USP9X: variants seen among roughly 807,000 people sequenced by gnomAD.
USP9X encodes ubiquitin carboxyl-terminal hydrolase 9X.
Under a neutral mutation model 190.3 loss-of-function variants are expected in USP9X, and 7 were observed. That is an observed-to-expected ratio of 0.04 (90% confidence interval 0.02 to 0.07). The LOEUF is 0.07. Among genes scored for constraint, USP9X ranks in the 10% least tolerant of loss-of-function variants. The pLI is 1.00. For missense variants in USP9X, 1,010 were observed against 1,916.9 expected (o/e 0.53, Z 8.83); for synonymous variants, 645 against 659.5 (o/e 0.98, Z 0.34).
rs2063231006 is a variant in USP9X at position 41,218,319 on chromosome X, A to G, written c.6210-53A>G. Reference sequence around the variant, plus strand: ...GTTCAATGAGACTCATCCTTTTACTATAGAGAACAAGTTATTGACTTAATA... The same window carrying G: ...GTTCAATGAGACTCATCCTTTTACTGTAGAGAACAAGTTATTGACTTAATA... On this transcript the variant is annotated intron_variant, in intron 36 of 44. Coordinates refer to ENST00000378308, the MANE Select transcript of USP9X (RefSeq NM_001039591.3). 9 of 1,137,373 alleles carry G rather than the reference A, an allele frequency of 7.9e-6. 1 individual carries two copies. Among genetic ancestry groups the G allele is most frequent in the Admixed American group, 4.7e-5 (2 of 42,898 alleles). 93.7% of individuals were successfully genotyped at this position (1,137,373 alleles called of 1,213,427 possible).
chrX:41,202,076 T>C (rs957301703), intron 31 of USP9X, among the ~76,000 whole-genome samples: 1 of 113,061 alleles, frequency 8.8e-6, no homozygotes, highest in African/African-American at 3.2e-5. Context: ...GATAATAGTT[T>C]TAAATTTTTA....
At chrX:41,224,605 C>A in intron 39 of USP9X, 137 bp from the exon 40 acceptor site, 1 of 529,075 alleles carries the variant, frequency 1.9e-6, no homozygotes, top group Non-Finnish European at 3.0e-6. Context: ...CATTGCACTC[C>A]AGCCTGGGCG....
chrX:41,087,238 C>T (rs928625765), intron 1 of USP9X, among the ~76,000 whole-genome samples: 2 of 112,021 alleles, frequency 1.8e-5, no homozygotes, highest in Non-Finnish European at 3.8e-5. Flanking sequence ...ACCTGGAAAC[C>T]CATGAGTCCC....
intron 11 of USP9X, among the ~76,000 whole-genome samples, chrX:41,146,091 A>G (rs969968891): frequency 5.4e-5 from 6 of 111,855 alleles, no homozygotes; most frequent in Admixed American, 9.5e-5. Context: ...AAAGATAAAG[A>G]CTTCCGAAAT....
intron 1 of USP9X, among the ~76,000 whole-genome samples, chrX:41,114,480 CCTTTT>C (rs1255492665): frequency 3.7e-5 from 4 of 107,087 alleles, no homozygotes; most frequent in Non-Finnish European, 7.7e-5. Flanking sequence ...CTTTTTTTTC[CCTTTT>C]CTTTTTTTTT....
At chrX:41,178,389 C>T (rs2062797649) in intron 21 of USP9X, among the ~76,000 whole-genome samples, 1 of 110,644 alleles carries the variant, frequency 9.0e-6, no homozygotes, top group African/African-American at 3.3e-5. Context: ...GTGTGAACCA[C>T]AGTGCCCCTG....
intron 1 of USP9X, among the ~76,000 whole-genome samples, chrX:41,092,410 G>A (rs1018846063): frequency 1.1e-4 from 12 of 111,164 alleles, no homozygotes; most frequent in African/African-American, 3.9e-4. Flanking sequence ...CAGAGAGCAT[G>A]GAAGTTACCG....
chrX:41,209,893 GTAT>G (rs2063143994), intron 32 of USP9X, among the ~76,000 whole-genome samples: 1 of 111,400 alleles, frequency 9.0e-6, no homozygotes, highest in African/African-American at 3.3e-5. Flanking sequence ...ACAAAATCAG[GTAT>G]TATTGATAGT....
At position 41,233,104 on chromosome X, in the gene USP9X, G is replaced by A. The variant is rs2063375914; in HGVS notation, c.*580G>A. 1 of 112,109 alleles carries A rather than the reference G, an allele frequency of 8.9e-6. No homozygotes were observed. Among genetic ancestry groups the A allele is most frequent in the Admixed American group, 9.5e-5 (1 of 10,539 alleles). 9.2% of individuals were successfully genotyped at this position (112,109 alleles called of 1,213,427 possible). Reference sequence around the variant, plus strand: ...AATTGGTGATGTAACACTGTTTCTAGATTTTTTTCATTGCCTTTTTATTCT... The same window carrying A: ...AATTGGTGATGTAACACTGTTTCTAAATTTTTTTCATTGCCTTTTTATTCT... On this transcript the variant is annotated 3_prime_UTR_variant, in exon 45 of 45. Coordinates refer to ENST00000378308, the MANE Select transcript of USP9X (RefSeq NM_001039591.3).
intron 38 of USP9X, among the ~76,000 whole-genome samples, chrX:41,221,809 C>G (rs1054220538): frequency 5.4e-5 from 6 of 111,170 alleles, no homozygotes; most frequent in African/African-American, 1.6e-4. Flanking sequence ...TTAAAATGAT[C>G]TATAGACATA....
chrX:41,145,536 C>T (rs147343327), intron 11 of USP9X, among the ~76,000 whole-genome samples: 1 of 111,801 alleles, frequency 8.9e-6, no homozygotes, highest in South Asian at 3.7e-4. Flanking sequence ...AAGAGCAACT[C>T]AACCATATGG....
In USP9X at chrX:41,216,301, G is replaced by A; in HGVS notation, c.5734G>A (p.Asp1912Asn). 2 of 1,211,929 alleles carry A rather than the reference G, an allele frequency of 1.7e-6. No individual in the cohort carries two copies. Among genetic ancestry groups the A allele is most frequent in the Non-Finnish European group, 2.2e-6 (2 of 895,613 alleles). The change falls in exon 35 of 45, where the codon GAT becomes AAT. Residue 1912 changes from aspartate to asparagine, a missense_variant. Physicochemically the swap from Asp to Asn is conservative, Grantham distance 23. Transcript: ENST00000378308. ...DGDVTECKMD[D>N]DEEMKNQCFG... ...TGATGTAACAGAATGTAAAATGGAT[G>A]ATGACGAAGAAATGAAAAACCAGTG...
chrX:41,117,572 T>C (rs1027274792), intron 1 of USP9X, among the ~76,000 whole-genome samples: 4 of 83,682 alleles, frequency 4.8e-5, no homozygotes, highest in Non-Finnish European at 9.1e-5. Flanking sequence ...CTTTTTTTTT[T>C]CTTCTTCTTT....
At chrX:41,086,679 C>T (rs889463066) in intron 1 of USP9X, among the ~76,000 whole-genome samples, 10 of 112,696 alleles carry the variant, frequency 8.9e-5, no homozygotes, top group Middle Eastern at 4.2e-3. Flanking sequence ...CCCTGGGCTC[C>T]TGGAGTGGGA....
At chrX:41,143,141 C>T in intron 9 of USP9X, 150 bp from the exon 10 acceptor site, 1 of 387,514 alleles carries the variant, frequency 2.6e-6, no homozygotes, top group Non-Finnish European at 4.1e-6. Flanking sequence ...TCATAATTTT[C>T]CATTAAAGCA....
At chrX:41,098,359 C>T (rs1396810019) in intron 1 of USP9X, among the ~76,000 whole-genome samples, 5 of 110,626 alleles carry the variant, frequency 4.5e-5, no homozygotes, top group Non-Finnish European at 7.6e-5. Flanking sequence ...AGGCTGGTCT[C>T]GAACTGCTGA....
At chrX:41,155,676 T>C (rs903586428) in intron 14 of USP9X, among the ~76,000 whole-genome samples, 9 of 106,710 alleles carry the variant, frequency 8.4e-5, no homozygotes, top group Non-Finnish European at 1.4e-4. Context: ...GTGCAGATCC[T>C]GTGCTAGATT....
intron 33 of USP9X, among the ~76,000 whole-genome samples, chrX:41,211,065 C>A (rs752600928): frequency 9.0e-6 from 1 of 110,519 alleles, no homozygotes; most frequent in Non-Finnish European, 1.9e-5. Flanking sequence ...GGTCGTAACT[C>A]ATAGTAACTT....
At chrX:41,231,112 A>G (rs1195481889) in intron 44 of USP9X, among the ~76,000 whole-genome samples, 1 of 112,047 alleles carries the variant, frequency 8.9e-6, no homozygotes, top group Admixed American at 9.5e-5. Context: ...ATTCTAAATG[A>G]TAACTTTTTC....
Sources: allele counts gnomAD v4.1 joint callset (sites outside exome capture counted in the v4.1 genomes callset), GRCh38; gene constraint gnomAD v4.1.1; transcripts MANE v1.5; gene names NCBI Gene and HGNC (gene_info 2026-07-23, HGNC 2026-07-21).